Variants in CTNNA3 observed in about 807,000 individuals in gnomAD.
The protein encoded by CTNNA3 is catenin alpha-3.
In CTNNA3, 76 loss-of-function variants were observed where a neutral mutation model predicts 95.7. The observed-to-expected ratio is 0.79, with a 90% CI of 0.66 to 0.96. The LOEUF (loss-of-function observed/expected upper bound fraction) is 0.96. Ranked by LOEUF, CTNNA3 falls within the 40% of genes least tolerant of loss-of-function variation. The pLI is 0.00. For missense variants in CTNNA3, 1,191 were observed against 1,089.8 expected (o/e 1.09, Z -1.31); for synonymous variants, 431 against 374.4 (o/e 1.15, Z -1.74).
chr10:66,803,303 A>G (rs555736999), intron 7 of CTNNA3, among the ~76,000 whole-genome samples: 1 of 152,084 alleles, frequency 6.6e-6, no homozygotes, highest in Non-Finnish European at 1.5e-5. Flanking sequence ...CCAAACTTAC[A>G]TTAGCACATG....
chr10:66,837,091 A>C (rs1842910698), intron 7 of CTNNA3, among the ~76,000 whole-genome samples: 1 of 152,156 alleles, frequency 6.6e-6, no homozygotes, highest in Non-Finnish European at 1.5e-5. Context: ...GCAGAGAAAA[A>C]AAAAGTGGAT....
intron 7 of CTNNA3, among the ~76,000 whole-genome samples, chr10:66,994,766 G>A (rs1851236891): frequency 6.6e-6 from 1 of 152,122 alleles, no homozygotes; most frequent in South Asian, 2.1e-4. Context: ...TACAGCTGCA[G>A]GGCTTTGTAT....
At chr10:67,067,720 A>G (rs1856179036) in intron 7 of CTNNA3, among the ~76,000 whole-genome samples, 1 of 152,234 alleles carries the variant, frequency 6.6e-6, no homozygotes, top group Non-Finnish European at 1.5e-5. Context: ...GATTCAGACT[A>G]AGCTCAATTA....
At chr10:66,681,683 C>T (rs1176636315) in intron 9 of CTNNA3, among the ~76,000 whole-genome samples, 1 of 152,140 alleles carries the variant, frequency 6.6e-6, no homozygotes, top group African/African-American at 2.4e-5. Context: ...TTTTGCTAGG[C>T]AACGCAACAT....
intron 1 of CTNNA3, among the ~76,000 whole-genome samples, chr10:67,746,764 T>G (rs145803691): frequency 9.2e-5 from 14 of 152,212 alleles, no homozygotes; most frequent in African/African-American, 3.1e-4. Flanking sequence ...CTGTGCAGAT[T>G]CTCAATAGCC....
chr10:67,291,122 A>G (rs1839822926), intron 5 of CTNNA3, among the ~76,000 whole-genome samples: 1 of 152,162 alleles, frequency 6.6e-6, no homozygotes, highest in Non-Finnish European at 1.5e-5. Context: ...TCCAAGTCTC[A>G]GTCTCCCCTT....
intron 7 of CTNNA3, among the ~76,000 whole-genome samples, chr10:67,122,925 T>C (rs1470921530): frequency 6.6e-6 from 1 of 152,122 alleles, no homozygotes; most frequent in Non-Finnish European, 1.5e-5. Context: ...AAATAAGCAC[T>C]TCTACCAAGA....
intron 5 of CTNNA3, among the ~76,000 whole-genome samples, chr10:67,352,876 TC>T (rs1320365593): frequency 6.6e-6 from 1 of 152,026 alleles, no homozygotes; most frequent in African/African-American, 2.4e-5. Context: ...GAAAGTAGCA[TC>T]TTTTTTCCTT....
chr10:66,540,220 AG>A (rs1384938869), intron 10 of CTNNA3, among the ~76,000 whole-genome samples: 4 of 152,302 alleles, frequency 2.6e-5, no homozygotes, highest in African/African-American at 7.2e-5. Context: ...GTATCTATGT[AG>A]AAAAACTAAT....
At chr10:67,194,515 A>G (rs1376081749) in intron 6 of CTNNA3, among the ~76,000 whole-genome samples, 1 of 151,088 alleles carries the variant, frequency 6.6e-6, no homozygotes, top group African/African-American at 2.4e-5. Context: ...CTGAAAAGGG[A>G]AAAACTATGG....
intron 7 of CTNNA3, among the ~76,000 whole-genome samples, chr10:67,091,339 C>A (rs1051620364): frequency 2.0e-5 from 3 of 151,714 alleles, no homozygotes; most frequent in Non-Finnish European, 4.4e-5. Flanking sequence ...GTGATACATA[C>A]ACAAACATAC....
intron 5 of CTNNA3, among the ~76,000 whole-genome samples, chr10:67,354,791 T>C (rs1842755337): frequency 6.6e-6 from 1 of 151,998 alleles, no homozygotes; most frequent in African/African-American, 2.4e-5. Context: ...CTAACAACAA[T>C]GGGTAGGTCC....
Position 65,943,150 on chromosome 10 carries a change from G to A in CTNNA3, c.2401-22533C>T, listed in dbSNP as rs180790789. Reference sequence around the variant, plus strand: ...GTGATCTCGGCTCACTGCAAGCTCCGCCTCCTGGGCTCACGCCATCCTTCT... The same window carrying A: ...GTGATCTCGGCTCACTGCAAGCTCCACCTCCTGGGCTCACGCCATCCTTCT... On this transcript the variant is annotated intron_variant, in intron 17 of 17. Coordinates refer to ENST00000433211, the MANE Select transcript of CTNNA3 (RefSeq NM_013266.4). 2.4e-3 allele frequency among the ~76,000 whole-genome samples: 368 copies of A among 150,500 alleles called. 3 individuals are homozygous for A. Among genetic ancestry groups the A allele is most frequent in the Non-Finnish European group, 4.2e-3 (284 of 67,782 alleles).
At chr10:66,113,694 TAATG>T (rs2082203408) in intron 13 of CTNNA3, among the ~76,000 whole-genome samples, 2 of 152,230 alleles carry the variant, frequency 1.3e-5, no homozygotes, top group African/African-American at 4.8e-5. Context: ...TCAGGAAAGA[TAATG>T]AATATCTATT....
intron 7 of CTNNA3, among the ~76,000 whole-genome samples, chr10:67,160,066 C>T (rs1302557186): frequency 6.6e-6 from 1 of 151,808 alleles, no homozygotes; most frequent in East Asian, 1.9e-4. Flanking sequence ...GCAAAGGACC[C>T]GAATAGACAT....
intron 15 of CTNNA3, among the ~76,000 whole-genome samples, chr10:66,007,333 T>C (rs2078907697): frequency 6.6e-6 from 1 of 152,190 alleles, no homozygotes; most frequent in Admixed American, 6.5e-5. Context: ...GATTATTTGA[T>C]CACACAGGTA....
chr10:67,314,131 G>A lies in CTNNA3; in HGVS notation c.580-94261C>T, dbSNP rs74142475. ...ATGCACATAATTTGAATCATAGACCGTTAGTTCCTCCAAGTAGAGTTCCTC... is the reference window on the plus strand; with the variant it reads ...ATGCACATAATTTGAATCATAGACCATTAGTTCCTCCAAGTAGAGTTCCTC... On this transcript the variant is annotated intron_variant, in intron 5 of 17. Coordinates refer to ENST00000433211, the MANE Select transcript of CTNNA3 (RefSeq NM_013266.4). Among the ~76,000 whole-genome samples the A allele has an allele frequency of 9.3e-3, 1,410 of 152,286 alleles. 34 individuals carry two copies. The highest frequency in any genetic ancestry group is 0.032 in the African/African-American group (1,333 of 41,534).
intron 7 of CTNNA3, among the ~76,000 whole-genome samples, chr10:66,986,174 T>C (rs1427932211): frequency 6.6e-6 from 1 of 152,184 alleles, no homozygotes; most frequent in African/African-American, 2.4e-5. Context: ...GCCTGTATAC[T>C]TTAGATATAA....
In CTNNA3 at chr10:67,580,078, T is replaced by G. The variant is rs185698889; in HGVS notation, c.292+26779A>C. ...GTTTAATTAGATCCCATTTGTCAAT[T>G]TAGGCTTTTGTTGCCATTGCTTTTG... On this transcript the variant is annotated intron_variant, in intron 3 of 17. Coordinates refer to ENST00000433211, the MANE Select transcript of CTNNA3 (RefSeq NM_013266.4). Among the ~76,000 whole-genome samples the G allele has an allele frequency of 3.4e-3, 520 of 152,330 alleles. 5 individuals carry two copies. The highest frequency in any genetic ancestry group is 0.012 in the African/African-American group (485 of 41,574).
Sources: allele counts gnomAD v4.1 joint callset (sites outside exome capture counted in the v4.1 genomes callset), GRCh38; gene constraint gnomAD v4.1.1; transcripts MANE v1.5; gene names NCBI Gene and HGNC (gene_info 2026-07-23, HGNC 2026-07-21).